Variants in ARNT2 observed in about 807,000 individuals in gnomAD.
ARNT2 encodes the protein ARNT protein 2.
A neutral mutation model predicts 91.7 loss-of-function variants in ARNT2; 36 were observed. The ratio of observed to expected loss-of-function variants is 0.39; its 90% confidence interval spans 0.30 to 0.52. The LOEUF is 0.52. Ranked by LOEUF, ARNT2 falls within the 20% of genes least tolerant of loss-of-function variation. ARNT2 has a pLI of 0.72. For missense variants in ARNT2, 775 were observed against 939.3 expected (o/e 0.83, Z 2.29); for synonymous variants, 365 against 347.1 (o/e 1.05, Z -0.57).
At chr15:80,569,189 C>G (rs1898540719) in intron 12 of ARNT2, among the ~76,000 whole-genome samples, 1 of 152,204 alleles carries the variant, frequency 6.6e-6, no homozygotes, top group Admixed American at 6.5e-5. Context: ...CTTACTCAGG[C>G]TGAGTAAAAA....
intron 1 of ARNT2, among the ~76,000 whole-genome samples, chr15:80,406,506 C>T (rs1306572316): frequency 6.6e-6 from 1 of 152,100 alleles, no homozygotes; most frequent in Non-Finnish European, 1.5e-5. Flanking sequence ...AATAAAATCC[C>T]TGGTGATTTA....
chr15:80,473,025 G>A (rs537880264), intron 4 of ARNT2, among the ~76,000 whole-genome samples: 4 of 152,276 alleles, frequency 2.6e-5, no homozygotes, highest in Non-Finnish European at 5.9e-5. Context: ...TGCTTGGATG[G>A]TGATGATAAT....
At position 80,454,569 on chromosome 15, in the gene ARNT2, A is replaced by G. The variant is rs551535998; in HGVS notation, c.147-3360A>G. ...ATGTAAGCAGCTGTTTCTCTTGGTG[A>G]ACTTTTATGTGCTAGCATTGCTGCA... On this transcript the variant is annotated intron_variant, in intron 2 of 18. Transcript: ENST00000303329. Among the ~76,000 whole-genome samples the G allele has an allele frequency of 2.6e-5, 4 of 152,282 alleles. No homozygotes were observed. The South Asian group carries it at 8.3e-4, about 32-fold the overall frequency.
intron 1 of ARNT2, chr15:80,445,081 A>ACG: frequency 7.8e-6 from 1 of 128,396 alleles, no homozygotes; most frequent in East Asian, 2.6e-4. Context: ...GGTGTGTGTG[A>ACG]TGTGTGTGAG....
chr15:80,464,778 G>T (rs2141390644), intron 3 of ARNT2, among the ~76,000 whole-genome samples: 1 of 152,284 alleles, frequency 6.6e-6, no homozygotes, highest in South Asian at 2.1e-4. Flanking sequence ...AGCATGCCTG[G>T]GAGCGACTGG....
intron 1 of ARNT2, among the ~76,000 whole-genome samples, chr15:80,431,810 A>G (rs1896015941): frequency 6.6e-6 from 1 of 152,168 alleles, no homozygotes; most frequent in African/African-American, 2.4e-5. Flanking sequence ...TTGTTCCTCC[A>G]GTGCTTCCTC....
intron 17 of ARNT2, among the ~76,000 whole-genome samples, chr15:80,590,319 T>A (rs117025394): frequency 6.6e-6 from 1 of 152,366 alleles, no homozygotes; most frequent in East Asian, 1.9e-4. Context: ...TTTTTGATGT[T>A]CCTTAAAGGT....
intron 1 of ARNT2, among the ~76,000 whole-genome samples, chr15:80,426,808 C>T (rs1387648217): frequency 6.6e-6 from 1 of 152,196 alleles, no homozygotes; most frequent in Non-Finnish European, 1.5e-5. Context: ...TCTTCTCACT[C>T]TTCAGAGGCT....
chr15:80,471,834 C>T (rs941961643), intron 4 of ARNT2, among the ~76,000 whole-genome samples: 1 of 152,112 alleles, frequency 6.6e-6, no homozygotes, highest in African/African-American at 2.4e-5. Flanking sequence ...ATATTTTTAA[C>T]ACCTACACTA....
At chr15:80,414,549 C>T (rs1027940133) in intron 1 of ARNT2, among the ~76,000 whole-genome samples, 12 of 152,026 alleles carry the variant, frequency 7.9e-5, no homozygotes, top group Non-Finnish European at 1.3e-4. Flanking sequence ...TTATGAAATC[C>T]GTGATGGAAG....
intron 8 of ARNT2, among the ~76,000 whole-genome samples, chr15:80,542,708 T>C (rs1476399654): frequency 1.3e-5 from 2 of 152,182 alleles, no homozygotes; most frequent in Non-Finnish European, 2.9e-5. Context: ...TTGTTATCTC[T>C]AGGTAGATGA....
intron 12 of ARNT2, among the ~76,000 whole-genome samples, chr15:80,573,743 A>G (rs1898621679): frequency 6.6e-6 from 1 of 152,240 alleles, no homozygotes; most frequent in Admixed American, 6.5e-5. Context: ...TAGAATAACC[A>G]CTGTGAAAGC....
At chr15:80,483,943 G>A (rs1419301787) in intron 5 of ARNT2, among the ~76,000 whole-genome samples, 3 of 152,202 alleles carry the variant, frequency 2.0e-5, no homozygotes, top group Non-Finnish European at 4.4e-5. Flanking sequence ...GCAGATAATT[G>A]ATCCCACAGG....
chr15:80,423,438 A>G (rs751272690), intron 1 of ARNT2, among the ~76,000 whole-genome samples: 5 of 152,350 alleles, frequency 3.3e-5, no homozygotes, highest in African/African-American at 1.2e-4. Flanking sequence ...TATGAGTCAC[A>G]TAATCAGTTA....
At position 80,457,936 on chromosome 15, in the gene ARNT2, T is replaced by C. The variant is rs1018424011; in HGVS notation, c.154T>C (p.Phe52Leu). ...GTGATCTTGACTTTTCAGAATGGAC[T>C]TCGATGATGAAGATGGTGAAGGCCC... The part of the protein sequence containing the change: ...RGGKRRSGMD[F>L]DDEDGEGPSK... Residue 52 changes from phenylalanine to leucine, a missense_variant, in exon 3 of 19, where the codon TTC becomes CTC. By Grantham distance (22) the Phe-to-Leu change is conservative. Transcript: ENST00000303329. 6.2e-7 allele frequency: 1 copy of C among 1,614,016 alleles called. No homozygotes were observed. Among genetic ancestry groups the C allele is most frequent in the African/African-American group, 1.3e-5 (1 of 75,062 alleles).
intron 1 of ARNT2, among the ~76,000 whole-genome samples, chr15:80,448,414 T>C (rs1390062705): frequency 2.0e-5 from 3 of 152,250 alleles, no homozygotes; most frequent in Admixed American, 2.0e-4. Context: ...ATCTAATCTC[T>C]CTTTGCCTTG....
chr15:80,441,232 T>C (rs952471544), intron 1 of ARNT2: 3 of 985,190 alleles, frequency 3.0e-6, no homozygotes, highest in South Asian at 9.4e-5. Flanking sequence ...GGTAAACAGA[T>C]CTGTGATGAC....
intron 2 of ARNT2, among the ~76,000 whole-genome samples, chr15:80,456,797 A>C (rs1462135280): frequency 6.6e-6 from 1 of 152,148 alleles, no homozygotes; most frequent in African/African-American, 2.4e-5. Flanking sequence ...GCAGCTCTAG[A>C]ATCTGTAGCA....
intron 8 of ARNT2, among the ~76,000 whole-genome samples, chr15:80,530,605 T>C (rs1161784604): frequency 6.6e-6 from 1 of 152,116 alleles, no homozygotes; most frequent in Non-Finnish European, 1.5e-5. Context: ...GATATATATG[T>C]TTCTCCCTAT....
Sources: allele counts gnomAD v4.1 joint callset (sites outside exome capture counted in the v4.1 genomes callset), GRCh38; gene constraint gnomAD v4.1.1; transcripts MANE v1.5; gene names NCBI Gene and HGNC (gene_info 2026-07-23, HGNC 2026-07-21).